The following SMYD1 variants were observed in gnomAD, a reference collection of about 807,000 sequenced individuals.
The protein encoded by SMYD1 is histone-lysine N-methyltransferase SMYD1.
A neutral mutation model predicts 54.0 loss-of-function variants in SMYD1; 49 were observed. That is an observed-to-expected ratio of 0.91 (90% confidence interval 0.72 to 1.15). The LOEUF (loss-of-function observed/expected upper bound fraction) is 1.15, where lower values mean the gene tolerates loss of function less well. Among genes scored for constraint, SMYD1 ranks in the 50% most tolerant of loss-of-function variants. The pLI, the probability that SMYD1 is intolerant of heterozygous loss-of-function variation, is 0.00. For missense variants in SMYD1, 653 were observed against 639.6 expected, an observed-to-expected ratio of 1.02 and a Z score of -0.23; for synonymous variants, 269 against 234.2, an observed-to-expected ratio of 1.15 and a Z score of -1.36.
At chr2:88,099,975 A>G (rs541118285) in intron 6 of SMYD1, among the ~76,000 whole-genome samples, 1 of 108,236 alleles carries the variant, frequency 9.2e-6, no homozygotes, top group Non-Finnish European at 1.8e-5. Context: ...CCCCTTTCCT[A>G]TGGCTCCTCC....
intron 1 of SMYD1, among the ~76,000 whole-genome samples, chr2:88,082,116 T>C (rs1410505107): frequency 1.3e-5 from 2 of 152,140 alleles, no homozygotes; most frequent in Non-Finnish European, 2.9e-5. Flanking sequence ...GGGGCACTTA[T>C]GACAAATGAC....
rs551695321 is a variant in SMYD1, at chr2:88,068,010, T to C, written c.137+9T>C. The C allele has an allele frequency of 3.1e-6, 5 of 1,609,400 alleles. No individual in the cohort carries two copies. In the South Asian group the frequency reaches 3.3e-5, roughly 11 times the overall value. ...GCAGTGGTTTTTGACAGGTATGAAA[T>C]GTGGGGAGTTGCCTTCTCTCCTGTT... On this transcript the variant is annotated intron_variant, in intron 1 of 9. Coordinates refer to ENST00000419482, the MANE Select transcript of SMYD1 (RefSeq NM_198274.4).
intron 1 of SMYD1, among the ~76,000 whole-genome samples, chr2:88,075,161 T>C (rs1573101241): frequency 6.6e-6 from 1 of 152,346 alleles, no homozygotes; most frequent in African/African-American, 2.4e-5. Context: ...GCTTTTCATT[T>C]GGCACTTTTA....
intron 6 of SMYD1, among the ~76,000 whole-genome samples, chr2:88,101,928 C>T (rs13402537): frequency 6.6e-6 from 1 of 152,158 alleles, no homozygotes; most frequent in African/African-American, 2.4e-5. Flanking sequence ...GTTGATGGTC[C>T]CTGTCTGTGC....
At position 88,067,902 on chromosome 2, in the gene SMYD1, C is replaced by T. The variant is rs545698552; in HGVS notation, c.38C>T (p.Thr13Ile). ...AGAATGGAGAACGTGGAGGTCTTCACCGCTGAGGGCAAAGGAAGGGGTCTG... is the reference window on the plus strand; with the variant it reads ...AGAATGGAGAACGTGGAGGTCTTCATCGCTGAGGGCAAAGGAAGGGGTCTG... ...IGRMENVEVF[T>I]AEGKGRGLKA... Residue 13 changes from threonine (T) to isoleucine (I), a missense_variant, in exon 1 of 10, where the codon ACC becomes ATC. By Grantham distance (89) the Thr-to-Ile change is moderately conservative (BLOSUM62 -1). Coordinates refer to ENST00000419482, the MANE Select transcript of SMYD1 (RefSeq NM_198274.4). 176 of 1,614,066 alleles carry T rather than the reference C, an allele frequency of 1.1e-4. 2 individuals are homozygous for T. The South Asian group carries it at 1.8e-3, about 16-fold the overall frequency.
intron 6 of SMYD1, among the ~76,000 whole-genome samples, chr2:88,101,916 T>C (rs1674730153): frequency 6.6e-6 from 1 of 152,210 alleles, no homozygotes; most frequent in African/African-American, 2.4e-5. Flanking sequence ...GACATACCCA[T>C]TGTTGATGGT....
At chr2:88,083,533 C>A (rs1674248893) in intron 1 of SMYD1, among the ~76,000 whole-genome samples, 2 of 152,128 alleles carry the variant, frequency 1.3e-5, no homozygotes, top group African/African-American at 4.8e-5. Context: ...GAGAATATGT[C>A]AATGACAGTG....
In SMYD1 at chr2:88,073,253, C is replaced by G. The variant is rs144033638; in HGVS notation, c.137+5252C>G. Among the ~76,000 whole-genome samples, 1,101 of 152,288 alleles carry G rather than the reference C, an allele frequency of 7.2e-3. 12 individuals carry two copies. The highest frequency in any genetic ancestry group is 0.025 in the African/African-American group (1,033 of 41,558). On this transcript the variant is annotated intron_variant, in intron 1 of 9. Coordinates refer to ENST00000419482, the MANE Select transcript of SMYD1 (RefSeq NM_198274.4). The stretch of plus-strand genomic sequence containing the variant: ...AGGACGTGATTTTGTTCTTTTTTAA[C>G]AGCTGTGTAGTATTACAGGGTATAT...
In SMYD1 at chr2:88,096,653, A is replaced by G. The variant is rs199617168; in HGVS notation, c.757A>G (p.Ile253Val). 1 of 1,614,146 alleles carries G rather than the reference A, an allele frequency of 6.2e-7. No homozygotes were observed. The highest frequency in any genetic ancestry group is 2.2e-5 in the East Asian group (1 of 44,888). ...SEGEELTVSYIDFLNVSEERK... is the reference protein window; with the variant it reads ...SEGEELTVSYVDFLNVSEERK... ...AGGAGAGGAGCTGACTGTGTCCTAT[A>G]TTGACTTCCTCAACGTTAGTGAAGA... is the stretch of plus-strand genomic sequence containing the variant. The change falls in exon 6 of 10, where the codon ATT (isoleucine) becomes GTT (valine). Residue 253 changes from isoleucine to valine, a missense_variant. Physicochemically the swap from Ile to Val is conservative, Grantham distance 29. Coordinates refer to ENST00000419482, the MANE Select transcript of SMYD1 (RefSeq NM_198274.4).
chr2:88,072,466 A>G (rs1673969996), intron 1 of SMYD1, among the ~76,000 whole-genome samples: 1 of 152,242 alleles, frequency 6.6e-6, no homozygotes, highest in African/African-American at 2.4e-5. Flanking sequence ...ACTACATTAA[A>G]TATATGCTTT....
intron 4 of SMYD1, among the ~76,000 whole-genome samples, chr2:88,092,188 C>T (rs184187674): frequency 2.0e-4 from 31 of 152,234 alleles, no homozygotes; most frequent in Non-Finnish European, 3.4e-4. Context: ...GGCCAAACCC[C>T]AACCAGAAGC....
chr2:88,105,376 T>TAC (rs746649770), intron 7 of SMYD1, among the ~76,000 whole-genome samples: 90 of 147,128 alleles, frequency 6.1e-4, no homozygotes, highest in Admixed American at 8.0e-4. Context: ...CGCATGCATA[T>TAC]ATACACACAC....
At position 88,085,381 on chromosome 2, in the gene SMYD1, G is replaced by C. The variant is rs572585981; in HGVS notation, c.314+889G>C. On this transcript the variant is annotated intron_variant, in intron 2 of 9. Coordinates refer to ENST00000419482, the MANE Select transcript of SMYD1 (RefSeq NM_198274.4). The stretch of plus-strand genomic sequence containing the variant: ...GATTCCCAATCCTGGAGGTTCCGCT[G>C]GGGTGGGGCTCAGTGCTGGGCTGCA... 1.8e-4 allele frequency among the ~76,000 whole-genome samples: 27 copies of C among 152,274 alleles called. No individual in the cohort carries two copies. The East Asian group carries it at 3.7e-3, about 21-fold the overall frequency.
intron 6 of SMYD1, among the ~76,000 whole-genome samples, chr2:88,098,933 G>A (rs567832836): frequency 3.7e-4 from 56 of 152,166 alleles, no homozygotes; most frequent in African/African-American, 1.1e-3. Context: ...TAATATATGC[G>A]TATGTAAACC....
chr2:88,103,215 GA>G, intron 7 of SMYD1, 65 bp downstream of exon 7: 2 of 1,413,082 alleles, frequency 1.4e-6, no homozygotes, highest in Non-Finnish European at 9.9e-7. Flanking sequence ...TCCAGTAAGG[GA>G]GGGAAGTGGC....
At chr2:88,075,842 C>A (rs1039414911) in intron 1 of SMYD1, among the ~76,000 whole-genome samples, 2 of 152,078 alleles carry the variant, frequency 1.3e-5, no homozygotes, top group African/African-American at 4.8e-5. Context: ...TACCCCAGCC[C>A]CCACTGACTT....
rs1675054237 is a variant in SMYD1 at position 88,112,631 on chromosome 2, T to G, written c.*2119T>G. On this transcript the variant is annotated 3_prime_UTR_variant, in exon 10 of 10. Transcript: ENST00000419482. ...TCTTCACTTTGCATTTCTTCTTGAA[T>G]CCATTGCAGATTGACTTCCACTCCC... 6.4e-6 allele frequency: 1 copy of G among 157,094 alleles called. No homozygotes were observed. Among genetic ancestry groups the G allele is most frequent in the Admixed American group, 6.1e-5 (1 of 16,390 alleles). 9.7% of individuals were successfully genotyped at this position (157,094 alleles called of 1,614,324 possible).
Position 88,067,915 on chromosome 2 carries a change from A to T in SMYD1, c.51A>T (p.Lys17Asn). The T allele has an allele frequency of 6.2e-7, 1 of 1,614,084 alleles. No individual in the cohort carries two copies. Among genetic ancestry groups the T allele is most frequent in the Non-Finnish European group, 8.5e-7 (1 of 1,180,028 alleles). Residue 17 changes from lysine (K) to asparagine (N), a missense_variant, in exon 1 of 10, where the codon AAA (lysine) becomes AAT (asparagine). Coordinates refer to ENST00000419482, the MANE Select transcript of SMYD1 (RefSeq NM_198274.4). ...TGGAGGTCTTCACCGCTGAGGGCAAAGGAAGGGGTCTGAAGGCCACCAAGG... is the reference window on the plus strand; with the variant it reads ...TGGAGGTCTTCACCGCTGAGGGCAATGGAAGGGGTCTGAAGGCCACCAAGG... ...ENVEVFTAEG[K>N]GRGLKATKEF...
rs189662337 is a variant in SMYD1 at position 88,083,951 on chromosome 2, G to A, written c.138-365G>A. Among the ~76,000 whole-genome samples, 134 of 152,258 alleles carry A rather than the reference G, an allele frequency of 8.8e-4. 1 individual carries two copies. The highest frequency in any genetic ancestry group is 1.7e-3 in the Non-Finnish European group (115 of 68,026). ...TGTACTAAAAATACAAAAATTAGCT[G>A]GGTGTGGTGGCACATGCCTGTAATC... On this transcript the variant is annotated intron_variant, in intron 1 of 9. Transcript: ENST00000419482.
Sources: gnomAD v4.1 joint callset for allele counts (sites outside exome capture counted in the v4.1 genomes callset) on GRCh38, gnomAD v4.1.1 for gene constraint, MANE v1.5 for transcripts, NCBI Gene and HGNC (gene_info 2026-07-23, HGNC 2026-07-21) for gene names.